Variants in LRRTM4 observed in about 807,000 individuals in gnomAD.
LRRTM4 encodes the protein leucine rich repeat transmembrane neuronal 4.
In LRRTM4, 25 loss-of-function variants were observed where a neutral mutation model predicts 47.6. The ratio of observed to expected loss-of-function variants is 0.53; its 90% confidence interval spans 0.38 to 0.73. The LOEUF (loss-of-function observed/expected upper bound fraction) is 0.73, where lower values mean the gene tolerates loss of function less well. Ranked by LOEUF, LRRTM4 falls within the 30% of genes least tolerant of loss-of-function variation. LRRTM4 has a pLI of 0.00. For synonymous variants in LRRTM4, 311 were observed against 269.5 expected (o/e 1.15, Z -1.51); for missense variants, 638 against 713.4 (o/e 0.89, Z 1.20).
intron 3 of LRRTM4, among the ~76,000 whole-genome samples, chr2:77,493,346 A>C (rs2104052065): frequency 6.6e-6 from 1 of 152,216 alleles, no homozygotes; most frequent in Admixed American, 6.5e-5. Flanking sequence ...TATATTCAAT[A>C]ATGATTTCTG....
At chr2:77,153,608 G>C (rs1045921844) in intron 3 of LRRTM4, among the ~76,000 whole-genome samples, 3 of 152,102 alleles carry the variant, frequency 2.0e-5, no homozygotes, top group Non-Finnish European at 4.4e-5. Flanking sequence ...TTCATGATGA[G>C]ATATGTTTTT....
intron 3 of LRRTM4, among the ~76,000 whole-genome samples, chr2:77,259,099 C>T (rs1205385413): frequency 6.6e-6 from 1 of 151,510 alleles, no homozygotes; most frequent in East Asian, 1.9e-4. Context: ...AATGCTCAAA[C>T]ATAAATATAA....
At chr2:76,946,725 C>T (rs1217577124) in intron 3 of LRRTM4, among the ~76,000 whole-genome samples, 1 of 151,862 alleles carries the variant, frequency 6.6e-6, no homozygotes, top group Non-Finnish European at 1.5e-5. Flanking sequence ...TGTTACATAG[C>T]ATTGTCACTC....
intron 3 of LRRTM4, among the ~76,000 whole-genome samples, chr2:77,160,002 G>A (rs867409318): frequency 2.6e-5 from 4 of 152,142 alleles, no homozygotes; most frequent in Non-Finnish European, 4.4e-5. Context: ...TGGTTTGGAA[G>A]CATTTATCTT....
intron 3 of LRRTM4, among the ~76,000 whole-genome samples, chr2:77,471,777 G>T (rs1677198715): frequency 6.6e-6 from 1 of 152,150 alleles, no homozygotes; most frequent in African/African-American, 2.4e-5. Flanking sequence ...ACCATCACCA[G>T]CAGCAGGATT....
intron 3 of LRRTM4, among the ~76,000 whole-genome samples, chr2:77,130,741 G>A (rs982631228): frequency 4.7e-5 from 7 of 149,088 alleles, no homozygotes; most frequent in Non-Finnish European, 4.4e-5. Context: ...TCAATCTCCT[G>A]ACCTCATGAT....
intron 3 of LRRTM4, among the ~76,000 whole-genome samples, chr2:77,067,612 A>T (rs1201406227): frequency 6.6e-6 from 1 of 151,360 alleles, no homozygotes; most frequent in East Asian, 1.9e-4. Flanking sequence ...AGAACTCAGG[A>T]AAAAAAAATA....
intron 3 of LRRTM4, among the ~76,000 whole-genome samples, chr2:76,800,550 C>T (rs564643076): frequency 6.9e-4 from 102 of 146,808 alleles, no homozygotes; most frequent in Non-Finnish European, 1.2e-3. Flanking sequence ...TGGGCAAGGA[C>T]TTCATGTCTA....
At chr2:76,797,643 A>G (rs1397128424) in intron 3 of LRRTM4, among the ~76,000 whole-genome samples, 1 of 151,606 alleles carries the variant, frequency 6.6e-6, no homozygotes, top group East Asian at 1.9e-4. Flanking sequence ...AATGGACTAA[A>G]TGCTCCAATT....
chr2:76,781,614 C>G lies in LRRTM4; in HGVS notation c.1552-32698G>C, dbSNP rs1030578722. 6.1e-5 allele frequency among the ~76,000 whole-genome samples: 9 copies of G among 148,292 alleles called. No homozygotes were observed. The East Asian group carries it at 1.6e-3, about 26-fold the overall frequency. On this transcript the variant is annotated intron_variant, in intron 3 of 3. Transcript: ENST00000409884. ...GGCAATGCCTCGCCCTGCTTCGGCT[C>G]GCGCATGGTGCGCGCACCCACTGAC... is the stretch of plus-strand genomic sequence containing the variant.
At chr2:76,783,003 C>A (rs1249199550) in intron 3 of LRRTM4, among the ~76,000 whole-genome samples, 1 of 151,848 alleles carries the variant, frequency 6.6e-6, no homozygotes, top group African/African-American at 2.4e-5. Flanking sequence ...TATTCTTGTT[C>A]AGCCATATAT....
At chr2:76,993,622 T>C (rs1677090303) in intron 3 of LRRTM4, among the ~76,000 whole-genome samples, 1 of 151,958 alleles carries the variant, frequency 6.6e-6, no homozygotes, top group Admixed American at 6.6e-5. Context: ...TTGATGAGTC[T>C]ACAGAGAAGA....
chr2:76,924,665 G>C (rs1009592788), intron 3 of LRRTM4, among the ~76,000 whole-genome samples: 1 of 151,686 alleles, frequency 6.6e-6, no homozygotes, highest in Non-Finnish European at 1.5e-5. Context: ...TACAAATTTT[G>C]CATTGGCTTA....
At chr2:77,414,915 C>G (rs532316969) in intron 3 of LRRTM4, among the ~76,000 whole-genome samples, 1 of 152,248 alleles carries the variant, frequency 6.6e-6, no homozygotes, top group East Asian at 1.9e-4. Context: ...CTTTCCAATG[C>G]CTTTTTTTTC....
chr2:76,815,586 G>A (rs1046479094), intron 3 of LRRTM4, among the ~76,000 whole-genome samples: 2 of 152,056 alleles, frequency 1.3e-5, no homozygotes, highest in African/African-American at 4.8e-5. Flanking sequence ...CATAGTTGTA[G>A]TAATAATAAT....
intron 3 of LRRTM4, among the ~76,000 whole-genome samples, chr2:76,903,136 C>T (rs1022937597): frequency 1.4e-4 from 21 of 152,070 alleles, no homozygotes; most frequent in African/African-American, 5.1e-4. Flanking sequence ...CTTTGGGAGG[C>T]CAAGGTGGGT....
intron 3 of LRRTM4, among the ~76,000 whole-genome samples, chr2:77,294,863 AT>A (rs1190644345): frequency 1.3e-5 from 2 of 152,284 alleles, no homozygotes; most frequent in Non-Finnish European, 2.9e-5. Context: ...TGTACATAGG[AT>A]TTATATTTTA....
At chr2:77,420,252 C>T (rs1422593135) in intron 3 of LRRTM4, among the ~76,000 whole-genome samples, 1 of 152,106 alleles carries the variant, frequency 6.6e-6, no homozygotes. Flanking sequence ...CATGGATTAC[C>T]TCAAAGCAAA....
rs1021201627 is a variant in LRRTM4 at position 77,172,362 on chromosome 2, C to T, written c.1551+345956G>A. 4.6e-5 allele frequency among the ~76,000 whole-genome samples: 7 copies of T among 152,128 alleles called. No individual in the cohort carries two copies. In the South Asian group the frequency reaches 8.3e-4, roughly 18 times the overall value. On this transcript the variant is annotated intron_variant, in intron 3 of 3. Coordinates refer to ENST00000409884, the MANE Select transcript of LRRTM4 (RefSeq NM_001134745.3). Reference sequence around the variant, plus strand: ...CTGTAATCCCAGCACTTTGGGAGGCCGAGGTGGGTAGATCACGAGATCAGG... The same window carrying T: ...CTGTAATCCCAGCACTTTGGGAGGCTGAGGTGGGTAGATCACGAGATCAGG...
Sources: allele counts gnomAD v4.1 joint callset (sites outside exome capture counted in the v4.1 genomes callset), GRCh38; gene constraint gnomAD v4.1.1; transcripts MANE v1.5; gene names NCBI Gene and HGNC (gene_info 2026-07-23, HGNC 2026-07-21).